The following CNTNAP2 variants were observed in gnomAD, a reference collection of about 807,000 sequenced individuals.
The protein encoded by CNTNAP2 is contactin associated protein 2, also known as contactin-associated protein-like 2.
CNTNAP2 carries 98 observed loss-of-function variants against 155.2 expected under a neutral mutation model. The ratio of observed to expected loss-of-function variants is 0.63; its 90% confidence interval spans 0.54 to 0.75. The LOEUF is 0.75. Among genes scored for constraint, CNTNAP2 ranks in the 30% least tolerant of loss-of-function variants. The probability of loss-of-function intolerance (pLI) is 0.00; values close to 1 mark genes in which losing one functional copy is unlikely to be tolerated. For synonymous variants in CNTNAP2, 651 were observed against 631.2 expected (o/e 1.03, Z -0.47); for missense variants, 1,727 against 1,688.1 (o/e 1.02, Z -0.40).
chr7:148,364,809 G>A (rs531553808), intron 21 of CNTNAP2, among the ~76,000 whole-genome samples: 2 of 152,270 alleles, frequency 1.3e-5, no homozygotes, highest in Middle Eastern at 3.4e-3. Flanking sequence ...TTGGCAACCC[G>A]CTCGGGTCCT....
At chr7:148,123,781 C>G (rs1804657104) in intron 16 of CNTNAP2, among the ~76,000 whole-genome samples, 1 of 151,896 alleles carries the variant, frequency 6.6e-6, no homozygotes, top group Non-Finnish European at 1.5e-5. Flanking sequence ...AGGAAGAAAA[C>G]TAGTTTGCAG....
intron 1 of CNTNAP2, among the ~76,000 whole-genome samples, chr7:146,364,185 G>A (rs1282345524): frequency 1.3e-5 from 2 of 152,112 alleles, no homozygotes; most frequent in African/African-American, 4.8e-5. Context: ...ACAGGCAGTG[G>A]ATCTTAGGCT....
At chr7:147,510,850 C>CATATGTATATATATATAT (rs1554400053) in intron 11 of CNTNAP2, among the ~76,000 whole-genome samples, 3 of 76,404 alleles carry the variant, frequency 3.9e-5, no homozygotes, top group African/African-American at 6.2e-5. Flanking sequence ...GGCCTACAAC[C>CATATGTATATATATATAT]ATATATATAT....
At chr7:146,349,282 G>A (rs1451849526) in intron 1 of CNTNAP2, among the ~76,000 whole-genome samples, 1 of 152,124 alleles carries the variant, frequency 6.6e-6, no homozygotes, top group Non-Finnish European at 1.5e-5. Context: ...CCGGTACTAA[G>A]GTGTGACAAT....
intron 1 of CNTNAP2, among the ~76,000 whole-genome samples, chr7:146,217,720 T>TG (rs1799136092): frequency 6.6e-6 from 1 of 152,028 alleles, no homozygotes; most frequent in Non-Finnish European, 1.5e-5. Flanking sequence ...TGCCTCTGGG[T>TG]GGGGGGATTG....
At chr7:146,568,460 T>A (rs1199273117) in intron 1 of CNTNAP2, among the ~76,000 whole-genome samples, 3 of 152,242 alleles carry the variant, frequency 2.0e-5, no homozygotes, top group African/African-American at 7.2e-5. Context: ...TCGTATAGGA[T>A]TATCAACCTC....
At chr7:146,772,911 T>C (rs1179821951) in intron 1 of CNTNAP2, among the ~76,000 whole-genome samples, 1 of 152,154 alleles carries the variant, frequency 6.6e-6, no homozygotes, top group Non-Finnish European at 1.5e-5. Flanking sequence ...CTTCAGCTGC[T>C]GCCGGCAAAA....
At chr7:147,161,962 A>C (rs776560849) in intron 8 of CNTNAP2, 1 of 152,200 alleles carries the variant, frequency 6.6e-6, no homozygotes, top group Non-Finnish European at 1.5e-5. Context: ...CAAGGCCTTG[A>C]AATTGCATAT....
At chr7:146,453,065 C>G (rs1796506048) in intron 1 of CNTNAP2, among the ~76,000 whole-genome samples, 1 of 152,138 alleles carries the variant, frequency 6.6e-6, no homozygotes, top group Admixed American at 6.6e-5. Context: ...GCAGAGCAGT[C>G]TTGAAAGGCC....
chr7:146,289,599 C>A (rs540609988), intron 1 of CNTNAP2, among the ~76,000 whole-genome samples: 33 of 152,110 alleles, frequency 2.2e-4, no homozygotes, highest in Admixed American at 1.7e-3. Context: ...AAATTAAGCC[C>A]TGCTGTCTGC....
At chr7:147,758,908 C>T (rs1260370972) in intron 13 of CNTNAP2, among the ~76,000 whole-genome samples, 2 of 152,106 alleles carry the variant, frequency 1.3e-5, no homozygotes, top group Admixed American at 6.6e-5. Flanking sequence ...TGGGCATTTG[C>T]TTCAGGTTAT....
At chr7:146,438,648 A>T (rs1302137686) in intron 1 of CNTNAP2, among the ~76,000 whole-genome samples, 1 of 151,588 alleles carries the variant, frequency 6.6e-6, no homozygotes, top group African/African-American at 2.4e-5. Flanking sequence ...CTTTTTAAAT[A>T]GTTTTCCAAG....
chr7:147,372,145 C>T (rs11769524), intron 9 of CNTNAP2, among the ~76,000 whole-genome samples: 26,131 of 152,066 alleles, frequency 0.17, 2,843 homozygotes, highest in Non-Finnish European at 0.24. Flanking sequence ...TTCCATGTTA[C>T]AGTAACAGTT....
chr7:147,889,194 A>C (rs1161065806), intron 13 of CNTNAP2, among the ~76,000 whole-genome samples: 1 of 152,112 alleles, frequency 6.6e-6, no homozygotes, highest in Non-Finnish European at 1.5e-5. Context: ...AATGAAGAAA[A>C]ACTATCAATT....
chr7:146,613,091 T>A (rs1462902826), intron 1 of CNTNAP2, among the ~76,000 whole-genome samples: 1 of 152,200 alleles, frequency 6.6e-6, no homozygotes, highest in African/African-American at 2.4e-5. Flanking sequence ...TATCTATAGA[T>A]TTGTTTACTC....
intron 12 of CNTNAP2, among the ~76,000 whole-genome samples, chr7:147,605,261 T>C (rs1168717545): frequency 6.6e-6 from 1 of 152,162 alleles, no homozygotes; most frequent in Non-Finnish European, 1.5e-5. Context: ...TTTTTGATAA[T>C]TGAGCCTATG....
intron 4 of CNTNAP2, among the ~76,000 whole-genome samples, chr7:147,087,743 A>G (rs376726153): frequency 2.0e-5 from 3 of 152,142 alleles, no homozygotes; most frequent in African/African-American, 7.2e-5. Flanking sequence ...TTGGGAGGCC[A>G]AGGTAGGTGG....
At chr7:147,554,952 G>T (rs138249439) in intron 11 of CNTNAP2, among the ~76,000 whole-genome samples, 419 of 152,230 alleles carry the variant, frequency 2.8e-3, no homozygotes, top group African/African-American at 9.6e-3. Flanking sequence ...AAAAATAATT[G>T]CATGGTCCTA....
intron 8 of CNTNAP2, among the ~76,000 whole-genome samples, chr7:147,150,804 G>C (rs938052129): frequency 6.6e-6 from 1 of 152,152 alleles, no homozygotes; most frequent in African/African-American, 2.4e-5. Flanking sequence ...GAGTAGGTAA[G>C]TAATCACACT....
Sources: allele counts gnomAD v4.1 joint callset (sites outside exome capture counted in the v4.1 genomes callset), GRCh38; gene constraint gnomAD v4.1.1; transcripts MANE v1.5; gene names NCBI Gene and HGNC (gene_info 2026-07-23, HGNC 2026-07-21).